DYNC2I1: variants seen among roughly 807,000 people sequenced by gnomAD.
DYNC2I1 encodes dynein 2 intermediate chain 1.
Under a neutral mutation model 133.4 loss-of-function variants are expected in DYNC2I1, and 89 were observed. That is an observed-to-expected ratio of 0.67 (90% confidence interval 0.56 to 0.80). The LOEUF is 0.80. DYNC2I1 is among the 30% of genes least tolerant of loss of function. The pLI is 0.00. For synonymous variants in DYNC2I1, 504 were observed against 484.3 expected, an observed-to-expected ratio of 1.04 and a Z score of -0.54; for missense variants, 1,291 against 1,314.5, an observed-to-expected ratio of 0.98 and a Z score of 0.28.
In DYNC2I1 at chr7:158,954,903, C is replaced by A. The variant is rs1464620615; in HGVS notation, c.*57-1680C>A. ...AAGGCGGTCCCTCCCCACACCCCCACCATGCCCCGTCCCCCACAGGCCTAG... is the reference window on the plus strand; with the variant it reads ...AAGGCGGTCCCTCCCCACACCCCCAACATGCCCCGTCCCCCACAGGCCTAG... On this transcript the variant is annotated intron_variant and NMD_transcript_variant, in intron 4 of 4. Coordinates refer to the DYNC2I1 transcript ENST00000454771. 1.5e-4 allele frequency among the ~76,000 whole-genome samples: 22 copies of A among 151,022 alleles called. 1 individual carries two copies. The highest frequency in any genetic ancestry group is 1.1e-3 in the Admixed American group (17 of 15,166).
In DYNC2I1 at chr7:158,887,168, G is replaced by A. The variant is rs545124678; in HGVS notation, c.990+93G>A. The A allele has an allele frequency of 8.1e-5, 101 of 1,253,406 alleles. No homozygotes were observed. In the African/African-American group the frequency reaches 1.3e-3, roughly 16 times the overall value. The allele number at this position is 1,253,406 out of a possible 1,614,324, so 77.6% of individuals were successfully genotyped here. On this transcript the variant is annotated intron_variant, in intron 7 of 24. Coordinates refer to ENST00000407559, the MANE Select transcript of DYNC2I1 (RefSeq NM_018051.5). ...GGGCTTCCCCTTGAAACCAGAGGCC[G>A]AGACAGGGCTCATTTGCAGATGGTT...
intron 21 of DYNC2I1, 71 bp from the exon 22 acceptor site, chr7:158,934,056 CAG>C: frequency 9.7e-7 from 1 of 1,029,596 alleles, no homozygotes; most frequent in Non-Finnish European, 1.5e-6. Context: ...TAGTGCAAAT[CAG>C]TGTTAATACC....
At chr7:158,902,304 T>G in intron 9 of DYNC2I1, 72 bp from the exon 10 acceptor site, 1 of 1,261,438 alleles carries the variant, frequency 7.9e-7, no homozygotes, top group Non-Finnish European at 1.1e-6. Context: ...AGTGTCATGT[T>G]TTGTTCAGTA....
Position 158,923,530 on chromosome 7 carries a change from A to C in DYNC2I1, c.2095-41A>C, listed in dbSNP as rs114475809. On this transcript the variant is annotated intron_variant, in intron 16 of 24. Transcript: ENST00000407559. ...TGCAGCTTGTGTTAGCATGCTTCTC[A>C]TATTCTTCTGTCATTGGCTTTCTGT... 1.4e-3 allele frequency: 2,221 copies of C among 1,613,790 alleles called. 16 individuals are homozygous for C. In the African/African-American group the frequency reaches 0.02, roughly 14 times the overall value.
rs1006861783 is a variant in DYNC2I1 at position 158,924,718 on chromosome 7, A to G, written c.2257+985A>G. The stretch of plus-strand genomic sequence containing the variant: ...CCGTTTTCAAAAACAGTAAATCTCT[A>G]GACTGTACATACAAATAAATTATTC... On this transcript the variant is annotated intron_variant, in intron 17 of 24. Coordinates refer to ENST00000407559, the MANE Select transcript of DYNC2I1 (RefSeq NM_018051.5). Among the ~76,000 whole-genome samples, 10 of 152,238 alleles carry G rather than the reference A, an allele frequency of 6.6e-5. No individual in the cohort carries two copies. The South Asian group carries it at 2.1e-3, about 32-fold the overall frequency.
chr7:158,934,513 C>T lies in DYNC2I1; in HGVS notation c.2742C>T (p.Val914=), dbSNP rs1585225935. ...QHGIRPVKVN[V]IDFSPFGEPI... ...GTATAAGACCAGTGAAAGTTAATGT[C>T]ATTGATTTTTCACCATTTGGAGAAC... The change falls in exon 23 of 25, where the codon GTC becomes GTT. Residue 914 remains valine (V), a synonymous_variant. Transcript: ENST00000407559. The T allele has an allele frequency of 1.3e-6, 2 of 1,560,718 alleles. No homozygotes were observed. Among genetic ancestry groups the T allele is most frequent in the South Asian group, 1.2e-5 (1 of 84,514 alleles).
At chr7:158,897,273 A>G (rs1294144443) in intron 8 of DYNC2I1, among the ~76,000 whole-genome samples, 2 of 152,204 alleles carry the variant, frequency 1.3e-5, no homozygotes, top group African/African-American at 2.4e-5. Context: ...TGCTGGTATT[A>G]CAGGTGTGAG....
intron 5 of DYNC2I1, among the ~76,000 whole-genome samples, chr7:158,883,419 A>G (rs1485960134): frequency 1.4e-5 from 2 of 147,240 alleles, no homozygotes; most frequent in Admixed American, 6.9e-5. Context: ...GAGTTTCGCC[A>G]TGTTGGCCAG....
At chr7:158,913,926 T>C (rs1007824892) in intron 13 of DYNC2I1, among the ~76,000 whole-genome samples, 7 of 152,190 alleles carry the variant, frequency 4.6e-5, no homozygotes, top group Non-Finnish European at 1.0e-4. Context: ...GCCAGGCTGG[T>C]CTTGAACTCC....
At chr7:158,915,060 G>C (rs1405440673) in intron 14 of DYNC2I1, among the ~76,000 whole-genome samples, 2 of 128,590 alleles carry the variant, frequency 1.6e-5, no homozygotes, top group East Asian at 4.1e-4. Context: ...CACGCTAGTT[G>C]AGATTAAGGA....
chr7:158,901,055 G>C (rs184913042), intron 8 of DYNC2I1, among the ~76,000 whole-genome samples: 39 of 152,146 alleles, frequency 2.6e-4, no homozygotes, highest in Non-Finnish European at 5.3e-4. Flanking sequence ...TCTGGAACTG[G>C]TGCTTGCTCT....
chr7:158,864,132 C>G, intron 1 of DYNC2I1, among the ~76,000 whole-genome samples: 1 of 147,754 alleles, frequency 6.8e-6, no homozygotes, highest in Non-Finnish European at 1.5e-5. Flanking sequence ...GGGGGGGGAG[C>G]AGACGTTCTT....
In DYNC2I1 at chr7:158,934,489, T is replaced by TA. The variant is rs1481852416; in HGVS notation, c.2719dup (p.Ile907AsnfsTer7). The TA allele has an allele frequency of 1.3e-6, 2 of 1,578,036 alleles. No homozygotes were observed. The highest frequency in any genetic ancestry group is 1.7e-6 in the Non-Finnish European group (2 of 1,160,928). On this transcript the variant is annotated frameshift_variant, in exon 23 of 25. Coordinates refer to ENST00000407559, the MANE Select transcript of DYNC2I1 (RefSeq NM_018051.5). LOFTEE classifies it high-confidence loss of function. The stretch of plus-strand genomic sequence containing the variant: ...AACTATTCAAACCTCAGCAACATGG[T>TA]ATAAGACCAGTGAAAGTTAATGTCA...
chr7:158,847,351 CACTTTAAAT>C, the DYNC2I1 span, among the ~76,000 whole-genome samples: 1 of 151,964 alleles, frequency 6.6e-6, no homozygotes, highest in African/African-American at 2.4e-5. Flanking sequence ...ATTTAAAAGT[CACTTTAAAT>C]AGTGACTCTT....
chr7:158,916,277 G>T (rs563990908), intron 14 of DYNC2I1, among the ~76,000 whole-genome samples: 1 of 97,390 alleles, frequency 1.0e-5, no homozygotes, highest in African/African-American at 3.5e-5. Context: ...CATTTAGGAT[G>T]ATTGTGAAAC....
At chr7:158,915,581 G>A (rs1395537271) in intron 14 of DYNC2I1, among the ~76,000 whole-genome samples, 7 of 150,082 alleles carry the variant, frequency 4.7e-5, no homozygotes, top group African/African-American at 9.9e-5. Flanking sequence ...ACCTCGACAC[G>A]CTGGTTGAGA....
At chr7:158,876,526 A>G (rs922280629) in intron 3 of DYNC2I1, 83 bp from the exon 4 acceptor site, 5 of 1,474,778 alleles carry the variant, frequency 3.4e-6, no homozygotes, top group Non-Finnish European at 4.5e-6. Context: ...AAAATGTGCA[A>G]TACCATCCAT....
At chr7:158,949,412 C>T (rs1014348936), downstream of DYNC2I1, among the ~76,000 whole-genome samples, 1 of 152,228 alleles carries the variant, frequency 6.6e-6, no homozygotes, top group African/African-American at 2.4e-5. Flanking sequence ...GTAGACAGTC[C>T]CCACTCACTC....
the DYNC2I1 span, among the ~76,000 whole-genome samples, chr7:158,846,043 T>G: frequency 1.3e-5 from 2 of 152,312 alleles, no homozygotes; most frequent in Admixed American, 6.5e-5. Context: ...GCAGATCACT[T>G]GAGACTAGGA....
Sources: gnomAD v4.1 joint callset for allele counts (sites outside exome capture counted in the v4.1 genomes callset) on GRCh38, gnomAD v4.1.1 for gene constraint, MANE v1.5 for transcripts, NCBI Gene and HGNC (gene_info 2026-07-23, HGNC 2026-07-21) for gene names.